Variants in TRHDE observed in about 807,000 individuals in gnomAD.
TRHDE encodes the protein thyrotropin releasing hormone degrading enzyme, also known as thyrotropin-releasing hormone-degrading ectoenzyme.
Under a neutral mutation model 125.7 loss-of-function variants are expected in TRHDE, and 72 were observed. That is an observed-to-expected ratio of 0.57 (90% confidence interval 0.47 to 0.70). The LOEUF is 0.70. TRHDE is among the 30% of genes least tolerant of loss of function. The pLI is 0.00. For missense variants in TRHDE, 1,110 were observed against 1,327.1 expected (o/e 0.84, Z 2.54); for synonymous variants, 509 against 509.1 (o/e 1.00, Z 0.00).
intron 2 of TRHDE, among the ~76,000 whole-genome samples, chr12:72,341,132 G>GTTTT (rs386376946): frequency 2.8e-5 from 4 of 144,718 alleles, no homozygotes; most frequent in Admixed American, 6.9e-5. Context: ...CTTTCCTTCA[G>GTTTT]TTTTTTTTTT....
intron 2 of TRHDE, among the ~76,000 whole-genome samples, chr12:72,201,053 T>C (rs896111888): frequency 1.3e-5 from 2 of 152,184 alleles, no homozygotes; most frequent in African/African-American, 2.4e-5. Flanking sequence ...CTATATGTCA[T>C]TAACTGTGTT....
At chr12:72,390,897 T>C (rs1366435048) in intron 3 of TRHDE, among the ~76,000 whole-genome samples, 1 of 152,184 alleles carries the variant, frequency 6.6e-6, no homozygotes, top group African/African-American at 2.4e-5. Context: ...AGAGGTACTA[T>C]TGTAACCTGA....
intron 2 of TRHDE, among the ~76,000 whole-genome samples, chr12:72,288,965 T>C (rs568386893): frequency 8.2e-4 from 125 of 152,248 alleles, no homozygotes; most frequent in Non-Finnish European, 1.2e-3. Context: ...AAAACAAAAT[T>C]GCCGTTGGGA....
intron 12 of TRHDE, among the ~76,000 whole-genome samples, chr12:72,610,116 A>G (rs939569802): frequency 6.6e-6 from 1 of 152,190 alleles, no homozygotes; most frequent in Admixed American, 6.5e-5. Context: ...TACATAAAGT[A>G]TATATTCTTT....
chr12:72,210,375 T>A (rs951919841), intron 2 of TRHDE, among the ~76,000 whole-genome samples: 3 of 152,148 alleles, frequency 2.0e-5, no homozygotes, highest in African/African-American at 7.2e-5. Context: ...GTTCAATGTG[T>A]CTGCTATTGT....
chr12:72,570,359 T>G (rs1870658944), intron 10 of TRHDE, among the ~76,000 whole-genome samples: 1 of 151,966 alleles, frequency 6.6e-6, no homozygotes, highest in African/African-American at 2.4e-5. Flanking sequence ...GGCAGGTGGA[T>G]CACTTGAGAT....
chr12:72,402,268 TA>T (rs35528307), intron 3 of TRHDE, among the ~76,000 whole-genome samples: 16 of 146,538 alleles, frequency 1.1e-4, no homozygotes, highest in Admixed American at 2.0e-4. Context: ...GCTGATGAGC[TA>T]AAAAAAAAAC....
intron 3 of TRHDE, among the ~76,000 whole-genome samples, chr12:72,429,370 T>TAATA (rs1341439446): frequency 6.7e-6 from 1 of 148,306 alleles, no homozygotes; most frequent in Non-Finnish European, 1.5e-5. Context: ...ATAATAATAA[T>TAATA]AATTTACAGA....
chr12:72,391,064 A>G (rs910651455), intron 3 of TRHDE, among the ~76,000 whole-genome samples: 3 of 152,156 alleles, frequency 2.0e-5, no homozygotes, highest in Admixed American at 2.0e-4. Flanking sequence ...TGATATAATC[A>G]TTTTAATAAT....
chr12:72,366,883 G>A (rs897421261), intron 2 of TRHDE, among the ~76,000 whole-genome samples: 9 of 151,986 alleles, frequency 5.9e-5, no homozygotes, highest in South Asian at 4.1e-4. Flanking sequence ...GAAATTTAGC[G>A]TAAGGCTGAC....
intron 12 of TRHDE, among the ~76,000 whole-genome samples, chr12:72,591,958 G>C (rs888735186): frequency 4.6e-5 from 7 of 151,180 alleles, no homozygotes; most frequent in Non-Finnish European, 7.4e-5. Context: ...TATGATATAT[G>C]CATGCAAGCA....
rs1164834071 is a variant in TRHDE, at chr12:72,575,308, A to T, written c.2185A>T (p.Asn729Tyr). 1.2e-6 allele frequency: 2 copies of T among 1,613,616 alleles called. No homozygotes were observed. The highest frequency in any genetic ancestry group is 1.7e-6 in the Non-Finnish European group (2 of 1,179,728). The stretch of plus-strand genomic sequence containing the variant: ...AGGAAGCTGGCTGCTGGGGAACATC[A>T]ATCAAACTGGCTATTTTAGAGTCAA... Reference protein sequence around the residue: ...DKGSWLLGNINQTGYFRVNYD... With the variant: ...DKGSWLLGNIYQTGYFRVNYD... Residue 729 changes from asparagine to tyrosine, a missense_variant, in exon 11 of 19, where the codon AAT (asparagine) becomes TAT (tyrosine). By Grantham distance (143) the Asn-to-Tyr change is moderately radical. Coordinates refer to ENST00000261180, the MANE Select transcript of TRHDE (RefSeq NM_013381.3).
At chr12:72,608,982 C>T (rs1872546438) in intron 12 of TRHDE, among the ~76,000 whole-genome samples, 1 of 152,062 alleles carries the variant, frequency 6.6e-6, no homozygotes, top group South Asian at 2.1e-4. Context: ...GGTAATACTG[C>T]CAACCTGAGA....
At chr12:72,586,296 T>C (rs1336833483) in intron 12 of TRHDE, among the ~76,000 whole-genome samples, 2 of 152,042 alleles carry the variant, frequency 1.3e-5, no homozygotes, top group East Asian at 3.9e-4. Flanking sequence ...ATGAAGTGAG[T>C]GGTTAATTTG....
At chr12:72,158,717 T>G (rs1411244032) in intron 2 of TRHDE, among the ~76,000 whole-genome samples, 1 of 152,212 alleles carries the variant, frequency 6.6e-6, no homozygotes, top group African/African-American at 2.4e-5. Context: ...TAAATAAGAT[T>G]TGCATAATCC....
intron 2 of TRHDE, among the ~76,000 whole-genome samples, chr12:72,289,635 A>G (rs1417470666): frequency 6.6e-6 from 1 of 152,208 alleles, no homozygotes; most frequent in East Asian, 1.9e-4. Flanking sequence ...TATTCCTTCA[A>G]CAAGTATTTA....
At chr12:72,563,466 GTC>G (rs1870281885) in intron 9 of TRHDE, among the ~76,000 whole-genome samples, 1 of 152,124 alleles carries the variant, frequency 6.6e-6, no homozygotes, top group Non-Finnish European at 1.5e-5. Context: ...ATTAAATAAT[GTC>G]TGAGTCAAAG....
intron 16 of TRHDE, 72 bp from the exon 17 acceptor site, chr12:72,652,944 A>G (rs1048806438): frequency 2.3e-6 from 3 of 1,331,424 alleles, no homozygotes; most frequent in Non-Finnish European, 3.1e-6. Context: ...ACTAGGTCCT[A>G]TAATTTTAGT....
chr12:72,449,242 A>G (rs1875453664), intron 3 of TRHDE, among the ~76,000 whole-genome samples: 1 of 152,032 alleles, frequency 6.6e-6, no homozygotes, highest in Admixed American at 6.6e-5. Context: ...TTTTATATAA[A>G]CTCATTGGCA....
Sources: allele counts gnomAD v4.1 joint callset (sites outside exome capture counted in the v4.1 genomes callset), GRCh38; gene constraint gnomAD v4.1.1; transcripts MANE v1.5; gene names NCBI Gene and HGNC (gene_info 2026-07-23, HGNC 2026-07-21).